The following SCARA5 variants were observed in gnomAD, a reference collection of about 807,000 sequenced individuals.
SCARA5 encodes scavenger receptor class A member 5.
In SCARA5, 45 loss-of-function variants were observed where a neutral mutation model predicts 46.3. The ratio of observed to expected loss-of-function variants is 0.97; its 90% CI spans 0.76 to 1.24. The LOEUF (loss-of-function observed/expected upper bound fraction) is 1.24, where lower values mean the gene tolerates loss of function less well. SCARA5 is among the 50% of genes most tolerant of loss of function. The probability of loss-of-function intolerance (pLI) is 0.00; values close to 1 mark genes in which losing one functional copy is unlikely to be tolerated. For missense variants in SCARA5, 680 were observed against 689.0 expected (o/e 0.99, Z 0.15); for synonymous variants, 333 against 306.5 (o/e 1.09, Z -0.90).
At chr8:27,887,245 A>C (rs11993701) in intron 7 of SCARA5, among the ~76,000 whole-genome samples, 60,517 of 151,930 alleles carry the variant, frequency 0.4, 13,362 homozygotes, top group East Asian at 0.63. Context: ...ACCCTTCCTG[A>C]GCAAATGAGG....
Position 27,921,722 on chromosome 8 carries a change from G to A in SCARA5, c.765C>T (p.Ala255=). 1 of 1,594,332 alleles carries A rather than the reference G, an allele frequency of 6.3e-7. No individual in the cohort carries two copies. Among genetic ancestry groups the A allele is most frequent in the East Asian group, 2.3e-5 (1 of 44,016 alleles). The stretch of plus-strand genomic sequence containing the variant: ...GGCGCAGGCGGCGCGTGTCCTCGCT[G>A]GCGTTGCTCACCAGCACCCGCAGGT... ...LQDLRVLVSN[A]SEDTRRLRLA... The change falls in exon 4 of 9, where the codon GCC becomes GCT. Residue 255 remains alanine, a synonymous_variant. Transcript: ENST00000354914.
At chr8:27,984,849 A>C (rs1808680545) in intron 2 of SCARA5, among the ~76,000 whole-genome samples, 1 of 151,790 alleles carries the variant, frequency 6.6e-6, no homozygotes, top group Non-Finnish European at 1.5e-5. Context: ...TCATCCATCC[A>C]GCTATCCATC....
chr8:27,889,136 G>C (rs1563513592), intron 7 of SCARA5, among the ~76,000 whole-genome samples: 1 of 152,138 alleles, frequency 6.6e-6, no homozygotes, highest in African/African-American at 2.4e-5. Flanking sequence ...CAAAGCTTGA[G>C]CTTGTTCCCC....
intron 7 of SCARA5, among the ~76,000 whole-genome samples, chr8:27,893,439 C>T (rs906341838): frequency 4.6e-5 from 7 of 152,162 alleles, no homozygotes; most frequent in African/African-American, 1.4e-4. Flanking sequence ...CATTTCTTTG[C>T]TCTCTTTGTT....
intron 2 of SCARA5, among the ~76,000 whole-genome samples, chr8:27,974,258 T>A (rs192203716): frequency 1.3e-5 from 2 of 152,308 alleles, no homozygotes; most frequent in Admixed American, 6.5e-5. Flanking sequence ...GTGAGAACCA[T>A]GAGCGAGTAT....
chr8:27,962,193 C>G (rs925350445), intron 3 of SCARA5, among the ~76,000 whole-genome samples: 3 of 152,142 alleles, frequency 2.0e-5, no homozygotes, highest in Non-Finnish European at 4.4e-5. Flanking sequence ...AATTCTGTCC[C>G]CAGGTTTTTG....
intron 4 of SCARA5, among the ~76,000 whole-genome samples, chr8:27,914,029 T>C (rs959394927): frequency 1.3e-5 from 2 of 152,204 alleles, no homozygotes; most frequent in South Asian, 2.1e-4. Flanking sequence ...ATAATTCCCA[T>C]GTGTTGTGGG....
intron 2 of SCARA5, among the ~76,000 whole-genome samples, chr8:27,976,010 C>A (rs1349924580): frequency 6.6e-6 from 1 of 152,180 alleles, no homozygotes; most frequent in African/African-American, 2.4e-5. Flanking sequence ...TTTTCCTCCA[C>A]CCCCATCCAT....
chr8:27,933,494 C>G (rs1255750111), intron 3 of SCARA5, among the ~76,000 whole-genome samples: 1 of 132,846 alleles, frequency 7.5e-6, no homozygotes, highest in African/African-American at 2.8e-5. Context: ...TGCACAGCAG[C>G]CTGGGTGACA....
chr8:27,963,811 C>T (rs958053829), intron 3 of SCARA5, among the ~76,000 whole-genome samples: 4 of 152,010 alleles, frequency 2.6e-5, no homozygotes, highest in Non-Finnish European at 5.9e-5. Flanking sequence ...ATTTGCACAC[C>T]GAGATGTTGC....
chr8:27,874,562 G>T (rs181265861), intron 8 of SCARA5, among the ~76,000 whole-genome samples: 1 of 152,364 alleles, frequency 6.6e-6, no homozygotes, highest in African/African-American at 2.4e-5. Flanking sequence ...CTGCAGAACT[G>T]AGTAGCTGTG....
At chr8:27,908,059 C>T (rs1332257749) in intron 5 of SCARA5, among the ~76,000 whole-genome samples, 1 of 150,270 alleles carries the variant, frequency 6.7e-6, no homozygotes, top group African/African-American at 2.4e-5. Context: ...GTGTTGGAGG[C>T]AGGATCTGAG....
At chr8:27,899,523 G>T (rs936688422) in intron 7 of SCARA5, among the ~76,000 whole-genome samples, 1 of 152,202 alleles carries the variant, frequency 6.6e-6, no homozygotes, top group African/African-American at 2.4e-5. Flanking sequence ...GGCCTTTCCC[G>T]AGAGGAAGGG....
intron 2 of SCARA5, among the ~76,000 whole-genome samples, chr8:27,974,078 G>A (rs1350469442): frequency 6.6e-6 from 1 of 152,170 alleles, no homozygotes; most frequent in Non-Finnish European, 1.5e-5. Flanking sequence ...AGGATGAGTA[G>A]GGAGAGGGTC....
intron 3 of SCARA5, among the ~76,000 whole-genome samples, chr8:27,930,923 G>A (rs986872908): frequency 6.6e-6 from 1 of 152,180 alleles, no homozygotes; most frequent in Non-Finnish European, 1.5e-5. Context: ...ATCACATCTA[G>A]GGCAGAGTGT....
In SCARA5 at chr8:27,987,577, G is replaced by A. The variant is rs1397532302; in HGVS notation, c.39C>T (p.Asp13=). The stretch of plus-strand genomic sequence containing the variant: ...CCTCACAGATGGAGCTGGTGTCACA[G>A]TCGCTGACGGTGTGTAGGTACATAG... ...NKAMYLHTVS[D]CDTSSICEDS... The change falls in exon 2 of 9, where the codon GAC becomes GAT. Residue 13 remains aspartate (D), a synonymous_variant. Coordinates refer to ENST00000354914, the MANE Select transcript of SCARA5 (RefSeq NM_173833.6). 6.2e-7 allele frequency: 1 copy of A among 1,613,982 alleles called. No individual in the cohort carries two copies. Among genetic ancestry groups the A allele is most frequent in the Non-Finnish European group, 8.5e-7 (1 of 1,179,948 alleles).
At position 27,917,734 on chromosome 8, in the gene SCARA5, C is replaced by T. The variant is rs574689536; in HGVS notation, c.916+3837G>A. Among the ~76,000 whole-genome samples the T allele has an allele frequency of 4.6e-5, 7 of 152,298 alleles. No homozygotes were observed. The South Asian group carries it at 1.5e-3, about 32-fold the overall frequency. ...TTTGAGAATTCATGTCTACAAAATG[C>T]CTGCCTCATTATAGGTCATAATTCA... On this transcript the variant is annotated intron_variant, in intron 4 of 8. Transcript: ENST00000354914.
At chr8:27,962,344 G>A (rs1207324831) in intron 3 of SCARA5, among the ~76,000 whole-genome samples, 6 of 152,174 alleles carry the variant, frequency 3.9e-5, no homozygotes, top group Admixed American at 2.6e-4. Flanking sequence ...ATTCCTCGAG[G>A]AACACATAAC....
At chr8:27,930,023 A>G (rs976255740) in intron 3 of SCARA5, among the ~76,000 whole-genome samples, 3 of 152,122 alleles carry the variant, frequency 2.0e-5, no homozygotes, top group East Asian at 1.9e-4. Flanking sequence ...AATGCCCTAC[A>G]ATCCCATGGT....
Sources: gnomAD v4.1 joint callset for allele counts (sites outside exome capture counted in the v4.1 genomes callset) on GRCh38, gnomAD v4.1.1 for gene constraint, MANE v1.5 for transcripts, NCBI Gene and HGNC (gene_info 2026-07-23, HGNC 2026-07-21) for gene names.